PRDM16: variants seen among roughly 807,000 people sequenced by gnomAD.
The protein encoded by PRDM16 is PR/SET domain 16.
PRDM16 carries 23 observed loss-of-function variants against 110.6 expected under a neutral mutation model. The ratio of observed to expected loss-of-function variants is 0.21; its 90% CI spans 0.15 to 0.29. The LOEUF (loss-of-function observed/expected upper bound fraction) is 0.29. Among genes scored for constraint, PRDM16 ranks in the 10% least tolerant of loss-of-function variants. PRDM16 has a pLI of 1.00. For synonymous variants in PRDM16, 799 were observed against 781.8 expected (o/e 1.02, Z -0.37); for missense variants, 1,615 against 1,794.3 (o/e 0.90, Z 1.81).
rs540714744 is a variant in PRDM16, at chr1:3,114,525, C to T, written c.37+45229C>T. Among the ~76,000 whole-genome samples, 4 of 152,090 alleles carry T rather than the reference C, an allele frequency of 2.6e-5. No homozygotes were observed. In the South Asian group the frequency reaches 6.3e-4, roughly 24 times the overall value. On this transcript the variant is annotated intron_variant, in intron 1 of 16. Transcript: ENST00000270722. ...GCGCATGCACACACACATGAACACA[C>T]GCACACATGCACACATGAACACACA...
intron 2 of PRDM16, among the ~76,000 whole-genome samples, chr1:3,231,404 T>TCCCC (rs1457880326): frequency 6.6e-6 from 1 of 150,518 alleles, no homozygotes; most frequent in African/African-American, 2.5e-5. Context: ...GTCAAGGCCG[T>TCCCC]CTCCCCTTCT....
chr1:3,370,898 TCATC>T lies in PRDM16; in HGVS notation c.439-14238_439-14235del, dbSNP rs1427340882. On this transcript the variant is annotated intron_variant, in intron 3 of 16. Transcript: ENST00000270722. This position sits in a 1 kb window ranked among gnomAD's most constrained non-coding sequence, Gnocchi z 4.8. ...ATCCACCCACCCATCCACCATCCAT[TCATC>T]CATCCATCCATCCATGCATCCACTG... 2.7e-5 allele frequency among the ~76,000 whole-genome samples: 4 copies of T among 149,274 alleles called. No individual in the cohort carries two copies. Among genetic ancestry groups the T allele is most frequent in the East Asian group, 2.0e-4 (1 of 4,920 alleles).
intron 1 of PRDM16, among the ~76,000 whole-genome samples, chr1:3,174,539 C>T (rs968733132): frequency 6.6e-6 from 1 of 152,178 alleles, no homozygotes; most frequent in Non-Finnish European, 1.5e-5. Flanking sequence ...TCTCAATCTG[C>T]TTCCTTCATC....
At chr1:3,098,187 T>G (rs141626524) in intron 1 of PRDM16, among the ~76,000 whole-genome samples, 1 of 152,162 alleles carries the variant, frequency 6.6e-6, no homozygotes, top group African/African-American at 2.4e-5. Context: ...TCAAGGGCCC[T>G]GAGAGTCCCT....
chr1:3,145,399 G>A (rs374450839), intron 1 of PRDM16, among the ~76,000 whole-genome samples: 22 of 152,310 alleles, frequency 1.4e-4, no homozygotes, highest in South Asian at 1.2e-3. Flanking sequence ...GGGCCAGGTG[G>A]CCACACTGTG....
At position 3,075,699 on chromosome 1, in the gene PRDM16, G is replaced by A. The variant is rs571877983; in HGVS notation, c.37+6403G>A. ...TAAGGCTCTGTGCCGTCCCATGCGCGTTTTCCGCGCTGATGGCGGTGCCGT... is the reference window on the plus strand; with the variant it reads ...TAAGGCTCTGTGCCGTCCCATGCGCATTTTCCGCGCTGATGGCGGTGCCGT... On this transcript the variant is annotated intron_variant, in intron 1 of 16. Coordinates refer to ENST00000270722, the MANE Select transcript of PRDM16 (RefSeq NM_022114.4). 1.1e-3 allele frequency among the ~76,000 whole-genome samples: 165 copies of A among 152,392 alleles called. 1 individual carries two copies. Among genetic ancestry groups the A allele is most frequent in the Non-Finnish European group, 2.8e-4 (19 of 68,042 alleles).
intron 2 of PRDM16, among the ~76,000 whole-genome samples, chr1:3,229,197 C>T (rs922120455): frequency 6.6e-6 from 1 of 152,224 alleles, no homozygotes; most frequent in African/African-American, 2.4e-5. Context: ...GCGCCTCTTC[C>T]GCTACTGACT....
rs1640022196 is a variant in PRDM16 at position 3,255,513 on chromosome 1, G to A, written c.438+11376G>A. Among the ~76,000 whole-genome samples, 1 of 152,202 alleles carries A rather than the reference G, an allele frequency of 6.6e-6. No individual in the cohort carries two copies. The highest frequency in any genetic ancestry group is 2.1e-4 in the South Asian group (1 of 4,830). ...ACAGTGGGGCGGAGTCCTGGGAGGA[G>A]GTGTGGCATTCATCTGTGGCCACAG... On this transcript the variant is annotated intron_variant, in intron 3 of 16. Coordinates refer to ENST00000270722, the MANE Select transcript of PRDM16 (RefSeq NM_022114.4). This position sits in a 1 kb window ranked among gnomAD's most constrained non-coding sequence, Gnocchi z 4.7.
intron 1 of PRDM16, among the ~76,000 whole-genome samples, chr1:3,101,111 G>A (rs556942774): frequency 1.2e-4 from 18 of 152,250 alleles, no homozygotes; most frequent in African/African-American, 3.4e-4. Context: ...CCAGGATGCC[G>A]TGGGAAGCCT....
Position 3,388,008 on chromosome 1 carries a change from T to G in PRDM16, c.573+2722T>G, listed in dbSNP as rs181351279. 7.1e-4 allele frequency among the ~76,000 whole-genome samples: 108 copies of G among 152,390 alleles called. 1 individual carries two copies. In the East Asian group the frequency reaches 0.015, roughly 22 times the overall value. ...AGAAAGCATTTCCATTCCCTGGCCT[T>G]GACCACGGGAACGTGGGTTCCTGCA... On this transcript the variant is annotated intron_variant, in intron 4 of 16. Transcript: ENST00000270722.
At chr1:3,114,240 G>A (rs1335007626) in intron 1 of PRDM16, among the ~76,000 whole-genome samples, 1 of 122,254 alleles carries the variant, frequency 8.2e-6, no homozygotes, top group East Asian at 2.8e-4. Flanking sequence ...CACACGCAGT[G>A]TAAACATGCA....
At position 3,143,615 on chromosome 1, in the gene PRDM16, T is replaced by C. The variant is rs1643592699; in HGVS notation, c.38-42510T>C. 6.6e-6 allele frequency among the ~76,000 whole-genome samples: 1 copy of C among 152,124 alleles called. No homozygotes were observed. The highest frequency in any genetic ancestry group is 1.9e-4 in the East Asian group (1 of 5,192). ...CCTCAGCCTCCTGAGTAGCTGGGAT[T>C]ACAGGTGTGCACCACCACGCCCGGC... On this transcript the variant is annotated intron_variant, in intron 1 of 16. Transcript: ENST00000270722. The surrounding 1 kb of genome is among the most constrained non-coding windows in gnomAD (Gnocchi z 4.5).
chr1:3,113,300 CA>C (rs1338485646), intron 1 of PRDM16, among the ~76,000 whole-genome samples: 1 of 152,146 alleles, frequency 6.6e-6, no homozygotes, highest in African/African-American at 2.4e-5. Context: ...GGAAGCAGGA[CA>C]GGGGCCCGGA....
At chr1:3,397,833 G>A (rs571352066) in intron 5 of PRDM16, among the ~76,000 whole-genome samples, 9 of 152,306 alleles carry the variant, frequency 5.9e-5, no homozygotes, top group Admixed American at 3.3e-4. Flanking sequence ...GGAAGGCTTC[G>A]AGACCAGACA....
At chr1:3,374,656 T>G (rs1642962135) in intron 3 of PRDM16, among the ~76,000 whole-genome samples, 1 of 152,056 alleles carries the variant, frequency 6.6e-6, no homozygotes. Flanking sequence ...GAGGGGGAGC[T>G]CTGCAAGCGG....
chr1:3,430,977 TGAG>T lies in PRDM16; in HGVS notation c.3393_3395del (p.Glu1131del). 6.2e-7 allele frequency: 1 copy of T among 1,610,886 alleles called. No individual in the cohort carries two copies. Among genetic ancestry groups the T allele is most frequent in the Non-Finnish European group, 8.5e-7 (1 of 1,178,486 alleles). ...ACGACGATGACCTGGAGGAGGACGATGAGGACAGCCTGGCCGGGAAGTCGCAGG... is the reference window on the plus strand; with the variant it reads ...ACGACGATGACCTGGAGGAGGACGATGACAGCCTGGCCGGGAAGTCGCAGG... On this transcript the variant is annotated inframe_deletion, in exon 15 of 17. Coordinates refer to ENST00000270722, the MANE Select transcript of PRDM16 (RefSeq NM_022114.4).
At chr1:3,314,566 G>A (rs1054225003) in intron 3 of PRDM16, among the ~76,000 whole-genome samples, 11 of 151,760 alleles carry the variant, frequency 7.2e-5, no homozygotes, top group South Asian at 6.3e-4. Flanking sequence ...GTGTGTGAGC[G>A]TTCTCTCTCT....
chr1:3,391,393 G>C (rs188302066), intron 4 of PRDM16, among the ~76,000 whole-genome samples: 1 of 152,146 alleles, frequency 6.6e-6, no homozygotes, highest in Non-Finnish European at 1.5e-5. Flanking sequence ...CAACTGTGCC[G>C]TCTGAACCGC....
intron 2 of PRDM16, among the ~76,000 whole-genome samples, chr1:3,233,139 C>T (rs1184595664): frequency 6.6e-6 from 1 of 152,314 alleles, no homozygotes; most frequent in Admixed American, 6.5e-5. Context: ...TGGTGCAGAG[C>T]CCACCGGGCT....
Sources: allele counts gnomAD v4.1 joint callset (sites outside exome capture counted in the v4.1 genomes callset), GRCh38; gene constraint gnomAD v4.1.1; non-coding constraint Gnocchi (gnomAD v3.1); transcripts MANE v1.5; gene names NCBI Gene and HGNC (gene_info 2026-07-23, HGNC 2026-07-21).